The following CNTN6 variants were observed in gnomAD, a reference collection of about 807,000 sequenced individuals.
CNTN6 encodes contactin-6.
A neutral mutation model predicts 122.8 loss-of-function variants in CNTN6; 137 were observed. The ratio of observed to expected loss-of-function variants is 1.12; its 90% CI spans 0.97 to 1.29. The LOEUF (loss-of-function observed/expected upper bound fraction) is 1.29, where lower values mean the gene tolerates loss of function less well. Among genes scored for constraint, CNTN6 ranks in the 50% most tolerant of loss-of-function variants. CNTN6 has a pLI of 0.00. For missense variants in CNTN6, 1,634 were observed against 1,223.4 expected (o/e 1.34, Z -5.01); for synonymous variants, 570 against 426.0 (o/e 1.34, Z -4.16).
At chr3:1,138,233 T>C (rs2092528708) in intron 1 of CNTN6, among the ~76,000 whole-genome samples, 1 of 152,230 alleles carries the variant, frequency 6.6e-6, no homozygotes, top group Non-Finnish European at 1.5e-5. Context: ...CTCCCTGGTT[T>C]TGGCCACCAT....
intron 4 of CNTN6, among the ~76,000 whole-genome samples, chr3:1,231,771 G>T (rs2094355140): frequency 6.6e-6 from 1 of 152,110 alleles, no homozygotes; most frequent in Admixed American, 6.5e-5. Context: ...CAAATACTCA[G>T]GTAGATCCTA....
intron 2 of CNTN6, among the ~76,000 whole-genome samples, chr3:1,191,598 A>T (rs1316223597): frequency 6.6e-6 from 1 of 152,136 alleles, no homozygotes; most frequent in Non-Finnish European, 1.5e-5. Context: ...TGTAAATGTG[A>T]CTAAGGTTAC....
chr3:1,144,315 C>G (rs2092678049), intron 1 of CNTN6, among the ~76,000 whole-genome samples: 1 of 152,084 alleles, frequency 6.6e-6, no homozygotes, highest in South Asian at 2.1e-4. Context: ...GTGGCTCACA[C>G]CTGTAACCCC....
At chr3:1,390,609 A>G (rs1021014759) in intron 20 of CNTN6, among the ~76,000 whole-genome samples, 9 of 152,210 alleles carry the variant, frequency 5.9e-5, no homozygotes, top group African/African-American at 2.2e-4. Context: ...TAAAAAATTA[A>G]TGAATCCAGG....
chr3:1,388,526 G>T (rs544014977), intron 20 of CNTN6, among the ~76,000 whole-genome samples: 3 of 151,340 alleles, frequency 2.0e-5, no homozygotes, highest in Admixed American at 6.6e-5. Flanking sequence ...CCAAGGGAAC[G>T]CAGTTCCTCA....
chr3:1,111,871 G>C (rs2091496257), intron 1 of CNTN6, among the ~76,000 whole-genome samples: 1 of 152,128 alleles, frequency 6.6e-6, no homozygotes, highest in Non-Finnish European at 1.5e-5. Flanking sequence ...GTTGTAAGTA[G>C]AAGTGGGTAC....
chr3:1,108,035 A>G (rs775785890), intron 1 of CNTN6, among the ~76,000 whole-genome samples: 2 of 152,040 alleles, frequency 1.3e-5, no homozygotes, highest in Non-Finnish European at 2.9e-5. Context: ...TATGCAGAAA[A>G]TTACCCTAGA....
chr3:1,383,824 G>A (rs1692323921), intron 19 of CNTN6, among the ~76,000 whole-genome samples: 1 of 152,180 alleles, frequency 6.6e-6, no homozygotes, highest in African/African-American at 2.4e-5. Context: ...TAATGGGTGA[G>A]TTAGTTATTC....
chr3:1,207,802 A>G (rs2093978353), intron 2 of CNTN6, among the ~76,000 whole-genome samples: 1 of 152,088 alleles, frequency 6.6e-6, no homozygotes, highest in Admixed American at 6.6e-5. Context: ...ATGAATAAAA[A>G]ATAAATTAAA....
chr3:1,171,757 C>T (rs1402099273), intron 2 of CNTN6, among the ~76,000 whole-genome samples: 1 of 152,134 alleles, frequency 6.6e-6, no homozygotes, highest in African/African-American at 2.4e-5. Flanking sequence ...CAGGTGCATG[C>T]CACCATGCCT....
Position 1,384,625 on chromosome 3 carries a change from A to G in CNTN6, c.2518-986A>G, listed in dbSNP as rs376685087. 1.1e-3 allele frequency among the ~76,000 whole-genome samples: 166 copies of G among 150,906 alleles called. 4 individuals are homozygous for G. In the South Asian group the frequency reaches 0.034, roughly 31 times the overall value. ...GGTAACATAATTTATTTAACTTTGG[A>G]TTTAGAATAAATGTATAATCCTAAA... On this transcript the variant is annotated intron_variant, in intron 19 of 22. Coordinates refer to ENST00000446702, the MANE Select transcript of CNTN6 (RefSeq NM_001289080.2).
chr3:1,113,492 A>T (rs1222413170), intron 1 of CNTN6, among the ~76,000 whole-genome samples: 3 of 152,226 alleles, frequency 2.0e-5, no homozygotes, highest in Admixed American at 2.0e-4. Context: ...AGATTGCTCA[A>T]TATGCGAACA....
At chr3:1,377,696 G>T (rs898466999) in intron 17 of CNTN6, among the ~76,000 whole-genome samples, 2 of 152,094 alleles carry the variant, frequency 1.3e-5, no homozygotes, top group African/African-American at 4.8e-5. Flanking sequence ...GAATTCTATA[G>T]CGTGAAAGGG....
At chr3:1,326,346 G>C (rs1208522654) in intron 9 of CNTN6, among the ~76,000 whole-genome samples, 1 of 151,720 alleles carries the variant, frequency 6.6e-6, no homozygotes, top group Non-Finnish European at 1.5e-5. Context: ...AGAGATACAA[G>C]TATTATTCCT....
chr3:1,151,517 T>C (rs1389443805), intron 2 of CNTN6, among the ~76,000 whole-genome samples: 1 of 152,220 alleles, frequency 6.6e-6, no homozygotes, highest in Non-Finnish European at 1.5e-5. Flanking sequence ...GTTTATGCTT[T>C]ACTGATTCTC....
chr3:1,347,079 C>T (rs987307535), intron 11 of CNTN6, among the ~76,000 whole-genome samples: 1 of 152,160 alleles, frequency 6.6e-6, no homozygotes, highest in Admixed American at 6.5e-5. Flanking sequence ...TAGTTTTGTA[C>T]ATGCTCTATA....
At chr3:1,203,139 G>A (rs952535486) in intron 2 of CNTN6, among the ~76,000 whole-genome samples, 3 of 152,104 alleles carry the variant, frequency 2.0e-5, no homozygotes, top group Non-Finnish European at 2.9e-5. Flanking sequence ...GTTCCACTAA[G>A]AAAATATACA....
At chr3:1,384,748 CACATAT>C (rs1692533543) in intron 19 of CNTN6, among the ~76,000 whole-genome samples, 1 of 87,094 alleles carries the variant, frequency 1.1e-5, no homozygotes, top group Admixed American at 1.1e-4. Flanking sequence ...TACATATATA[CACATAT>C]ATATACATAT....
chr3:1,314,347 G>C (rs1296277903), intron 7 of CNTN6, among the ~76,000 whole-genome samples: 2 of 152,028 alleles, frequency 1.3e-5, no homozygotes, highest in Non-Finnish European at 2.9e-5. Context: ...CCACTGACAG[G>C]ATTTCCTGAA....
Sources: allele counts gnomAD v4.1 joint callset (sites outside exome capture counted in the v4.1 genomes callset), GRCh38; gene constraint gnomAD v4.1.1; transcripts MANE v1.5; gene names NCBI Gene and HGNC (gene_info 2026-07-23, HGNC 2026-07-21).